The following EPS15L1 variants were observed in gnomAD, a reference collection of about 807,000 sequenced individuals.
EPS15L1 encodes epidermal growth factor receptor pathway substrate 15 like 1, also known as epidermal growth factor receptor substrate 15-like 1.
Under a neutral mutation model 117.1 loss-of-function variants are expected in EPS15L1, and 43 were observed. The observed-to-expected ratio is 0.37, with a 90% CI of 0.29 to 0.47. The LOEUF (loss-of-function observed/expected upper bound fraction) is 0.47, where lower values mean the gene tolerates loss of function less well. Among genes scored for constraint, EPS15L1 ranks in the 20% least tolerant of loss-of-function variants. EPS15L1 has a pLI of 0.99. For synonymous variants in EPS15L1, 459 were observed against 470.5 expected, an observed-to-expected ratio of 0.98 and a Z score of 0.32; for missense variants, 981 against 1,164.0, an observed-to-expected ratio of 0.84 and a Z score of 2.29.
chr19:16,377,141 T>C lies in EPS15L1; in HGVS notation c.2361A>G (p.Pro787=), dbSNP rs1599544893. The change falls in exon 22 of 24, where the codon CCA becomes CCG. Residue 787 remains proline, a synonymous_variant. Coordinates refer to ENST00000455140, the MANE Select transcript of EPS15L1 (RefSeq NM_001258374.3). ...PALPPKKPAP[P]RPKPPSGKST... ...ACTGACCGCTGGGCGGTTTAGGCCG[T>C]GGAGGAGCAGGTTTCTTCGGAGGCA... 2.5e-6 allele frequency: 4 copies of C among 1,608,084 alleles called. No homozygotes were observed. Among genetic ancestry groups the C allele is most frequent in the Non-Finnish European group, 3.4e-6 (4 of 1,177,688 alleles).
At chr19:16,440,374 A>C (rs1214684249) in intron 4 of EPS15L1, among the ~76,000 whole-genome samples, 1 of 152,096 alleles carries the variant, frequency 6.6e-6, no homozygotes, top group East Asian at 1.9e-4. Flanking sequence ...TGGAGGTTGC[A>C]GTGAGCCGAG....
chr19:16,451,235 G>A (rs1161421262), intron 1 of EPS15L1, among the ~76,000 whole-genome samples: 1 of 152,186 alleles, frequency 6.6e-6, no homozygotes, highest in Non-Finnish European at 1.5e-5. Flanking sequence ...ACAGGCGTGA[G>A]CCACCGCGCC....
At position 16,400,771 on chromosome 19, in the gene EPS15L1, A is replaced by T. The variant is rs541405280; in HGVS notation, c.1791+1550T>A. On this transcript the variant is annotated intron_variant, in intron 16 of 23. Transcript: ENST00000455140. Reference sequence around the variant, plus strand: ...AGGTAACCTTTGCCCTGCCCAAAAGATGAACAAAAATAACCAGAAAGGTAA... The same window carrying T: ...AGGTAACCTTTGCCCTGCCCAAAAGTTGAACAAAAATAACCAGAAAGGTAA... 6.9e-5 allele frequency: 68 copies of T among 985,438 alleles called. No individual in the cohort carries two copies. The African/African-American group carries it at 1.1e-3, about 15-fold the overall frequency. The allele number at this position is 985,438 out of a possible 1,614,324, so 61.0% of individuals were successfully genotyped here.
chr19:16,413,442 T>G (rs531579009), intron 13 of EPS15L1: 4 of 747,218 alleles, frequency 5.4e-6, no homozygotes, highest in Non-Finnish European at 9.1e-6. Context: ...GACCTACAGC[T>G]ACCTGACTCC....
At chr19:16,470,211 G>A (rs1369854617) in intron 1 of EPS15L1, among the ~76,000 whole-genome samples, 3 of 150,994 alleles carry the variant, frequency 2.0e-5, no homozygotes, top group African/African-American at 7.4e-5. Context: ...GTGAAACCCC[G>A]TCTCCACTAA....
chr19:16,417,703 G>A, intron 11 of EPS15L1, 66 bp from the exon 12 acceptor site: 1 of 1,373,996 alleles, frequency 7.3e-7, no homozygotes, highest in South Asian at 1.2e-5. Context: ...GGAGGCACCA[G>A]CAGTTCTCGG....
intron 4 of EPS15L1, among the ~76,000 whole-genome samples, chr19:16,439,644 T>C (rs1355230192): frequency 6.6e-6 from 1 of 152,066 alleles, no homozygotes; most frequent in East Asian, 1.9e-4. Flanking sequence ...TAAGCAGTGA[T>C]CGCACCACTG....
At chr19:16,376,146 A>G (rs1230386999) in intron 22 of EPS15L1, among the ~76,000 whole-genome samples, 1 of 152,176 alleles carries the variant, frequency 6.6e-6, no homozygotes, top group Non-Finnish European at 1.5e-5. Flanking sequence ...AGGTAACAGA[A>G]GGCATGATCC....
chr19:16,355,971 G>A lies in EPS15L1; in HGVS notation c.2587-120C>T, dbSNP rs1446822528. The A allele has an allele frequency of 1.1e-5, 13 of 1,211,462 alleles. No homozygotes were observed. The Admixed American group carries it at 1.6e-4, about 15-fold the overall frequency. 75.0% of individuals were successfully genotyped at this position (1,211,462 alleles called of 1,614,324 possible). ...CTGCCCACCGCCCAGCGGAGGGTCCGATGTGCAGGGGATAAGCATGTCTTG... is the reference window on the plus strand; with the variant it reads ...CTGCCCACCGCCCAGCGGAGGGTCCAATGTGCAGGGGATAAGCATGTCTTG... On this transcript the variant is annotated intron_variant, in intron 23 of 23. Coordinates refer to ENST00000455140, the MANE Select transcript of EPS15L1 (RefSeq NM_001258374.3).
At chr19:16,377,896 C>T (rs1486639123) in intron 21 of EPS15L1, among the ~76,000 whole-genome samples, 1 of 152,212 alleles carries the variant, frequency 6.6e-6, no homozygotes, top group African/African-American at 2.4e-5. Flanking sequence ...GGCCCGGACC[C>T]TCGGTCAGCC....
In EPS15L1 at chr19:16,376,983, G is replaced by A. The variant is rs1018831701; in HGVS notation, c.2380+139C>T. On this transcript the variant is annotated intron_variant, in intron 22 of 23. Coordinates refer to ENST00000455140, the MANE Select transcript of EPS15L1 (RefSeq NM_001258374.3). ...GGCACTTGCGTGGACCTGGGCAGCT[G>A]GGCCGGGGGGACCCTCTTGCTCCCC... 7.1e-6 allele frequency: 8 copies of A among 1,123,174 alleles called. No homozygotes were observed. The African/African-American group carries it at 1.1e-4, about 16-fold the overall frequency. The allele number at this position is 1,123,174 out of a possible 1,614,324, so 69.6% of individuals were successfully genotyped here. A position where few individuals can be genotyped will look rare whatever the true frequency, so the allele number is the denominator to read the frequency against.
chr19:16,458,705 CACACACAT>C (rs1432842920), intron 1 of EPS15L1, among the ~76,000 whole-genome samples: 1 of 152,154 alleles, frequency 6.6e-6, no homozygotes, highest in East Asian at 1.9e-4. Flanking sequence ...CACTCAGCCA[CACACACAT>C]ACACACAATC....
chr19:16,418,489 A>G (rs889492645), intron 10 of EPS15L1, among the ~76,000 whole-genome samples: 3 of 152,244 alleles, frequency 2.0e-5, no homozygotes, highest in African/African-American at 7.2e-5. Flanking sequence ...ATGGGTGCTG[A>G]GACCAAGCAT....
At chr19:16,410,209 T>A (rs964384278) in intron 13 of EPS15L1, among the ~76,000 whole-genome samples, 7 of 151,570 alleles carry the variant, frequency 4.6e-5, no homozygotes, top group African/African-American at 1.7e-4. Context: ...GGAATCGGAA[T>A]GATTTTTCTC....
chr19:16,403,880 GGACTTTAAGTCA>G lies in EPS15L1; in HGVS notation c.1467_1478del (p.Asp490_Ser493del). The G allele has an allele frequency of 6.2e-7, 1 of 1,614,054 alleles. No homozygotes were observed. Among genetic ancestry groups the G allele is most frequent in the Non-Finnish European group, 8.5e-7 (1 of 1,180,008 alleles). On this transcript the variant is annotated inframe_deletion, in exon 15 of 24. Coordinates refer to ENST00000455140, the MANE Select transcript of EPS15L1 (RefSeq NM_001258374.3). ...TGGCTCGGTTCAGATCGTCTTCCTG[GGACTTTAAGTCA>G]GATTCCTGAGATTGGATTTGCGTTT... is the stretch of plus-strand genomic sequence containing the variant.
intron 22 of EPS15L1, among the ~76,000 whole-genome samples, chr19:16,373,724 G>A (rs896283008): frequency 1.3e-5 from 2 of 152,184 alleles, no homozygotes; most frequent in Admixed American, 6.5e-5. Context: ...CCCTTGACCA[G>A]AGAGCAAGGG....
In EPS15L1 at chr19:16,405,613, A is replaced by C. The variant is rs1164547173; in HGVS notation, c.1267-864T>G. Reference sequence around the variant, plus strand: ...TGGCTGGAAGGTTCCAGCACAGCCCACACTGTGGGACGCTCCTTGGCCATG... The same window carrying C: ...TGGCTGGAAGGTTCCAGCACAGCCCCCACTGTGGGACGCTCCTTGGCCATG... On this transcript the variant is annotated intron_variant, in intron 13 of 23. Transcript: ENST00000455140. This position sits in a 1 kb window ranked among gnomAD's most constrained non-coding sequence, Gnocchi z 4.0. Among the ~76,000 whole-genome samples, 3 of 152,248 alleles carry C rather than the reference A, an allele frequency of 2.0e-5. No individual in the cohort carries two copies. The highest frequency in any genetic ancestry group is 1.3e-4 in the Admixed American group (2 of 15,288).
At chr19:16,439,181 G>A (rs2093006034) in intron 4 of EPS15L1, among the ~76,000 whole-genome samples, 1 of 152,000 alleles carries the variant, frequency 6.6e-6, no homozygotes, top group African/African-American at 2.4e-5. Context: ...GCTAGGATCG[G>A]CCTTTCTCAG....
intron 7 of EPS15L1, among the ~76,000 whole-genome samples, chr19:16,432,613 A>G (rs965357390): frequency 4.0e-5 from 6 of 150,922 alleles, no homozygotes; most frequent in African/African-American, 1.5e-4. Flanking sequence ...TACAAATACA[A>G]ATACAAAAAT....
Sources: allele counts gnomAD v4.1 joint callset (sites outside exome capture counted in the v4.1 genomes callset), GRCh38; gene constraint gnomAD v4.1.1; non-coding constraint Gnocchi (gnomAD v3.1); transcripts MANE v1.5; gene names NCBI Gene and HGNC (gene_info 2026-07-23, HGNC 2026-07-21).